Variants in BCAS3 observed in about 807,000 individuals in gnomAD.
The protein encoded by BCAS3 is BCAS4/BCAS3 fusion.
Under a neutral mutation model 116.1 loss-of-function variants are expected in BCAS3, and 53 were observed. The observed-to-expected ratio is 0.46, with a 90% confidence interval of 0.37 to 0.57. The LOEUF (loss-of-function observed/expected upper bound fraction) is 0.57, where lower values mean the gene tolerates loss of function less well. Ranked by LOEUF, BCAS3 falls within the 20% of genes least tolerant of loss-of-function variation. BCAS3 has a pLI of 0.00. For synonymous variants in BCAS3, 391 were observed against 408.2 expected (o/e 0.96, Z 0.51); for missense variants, 917 against 1,165.4 (o/e 0.79, Z 3.10).
At chr17:60,753,578 T>G (rs1449938605) in intron 6 of BCAS3, among the ~76,000 whole-genome samples, 1 of 137,358 alleles carries the variant, frequency 7.3e-6, no homozygotes, top group Non-Finnish European at 1.6e-5. Context: ...CCCATCTAAT[T>G]TTTTGTATTT....
rs1394271425 is a variant in BCAS3 at position 61,088,744 on chromosome 17, A to T, written c.2425+4180A>T. Among the ~76,000 whole-genome samples, 2 of 152,238 alleles carry T rather than the reference A, an allele frequency of 1.3e-5. No individual in the cohort carries two copies. The highest frequency in any genetic ancestry group is 3.8e-4 in the East Asian group (2 of 5,202). On this transcript the variant is annotated intron_variant, in intron 22 of 23. Transcript: ENST00000407086. The surrounding 1 kb of genome is among the most constrained non-coding windows in gnomAD (Gnocchi z 4.2). ...GTCCTGATTTGTGGTTTTACTATGGAGATGGATGTTTACTAACAAAGAACT... is the reference window on the plus strand; with the variant it reads ...GTCCTGATTTGTGGTTTTACTATGGTGATGGATGTTTACTAACAAAGAACT...
intron 22 of BCAS3, among the ~76,000 whole-genome samples, chr17:61,190,526 CAAAAAAA>C (rs71148387): frequency 1.1e-4 from 5 of 43,894 alleles, no homozygotes; most frequent in Non-Finnish European, 1.4e-4. Context: ...GACTCCATCT[CAAAAAAA>C]AAAAAAAAAA....
rs1008702080 is a variant in BCAS3 at position 61,097,420 on chromosome 17, C to G, written c.2425+12856C>G. Among the ~76,000 whole-genome samples the G allele has an allele frequency of 6.6e-6, 1 of 152,102 alleles. No homozygotes were observed. Among genetic ancestry groups the G allele is most frequent in the Non-Finnish European group, 1.5e-5 (1 of 68,026 alleles). ...GTCTCGATCTCCTGACCTTGTGATCCGCCTGCCTCGGCCTCCCAAAGTGCT... is the reference window on the plus strand; with the variant it reads ...GTCTCGATCTCCTGACCTTGTGATCGGCCTGCCTCGGCCTCCCAAAGTGCT... On this transcript the variant is annotated intron_variant, in intron 22 of 23. Coordinates refer to ENST00000407086, the MANE Select transcript of BCAS3 (RefSeq NM_017679.5). This position sits in a 1 kb window ranked among gnomAD's most constrained non-coding sequence, Gnocchi z 4.0.
Position 61,391,941 on chromosome 17 carries a change from C to G in BCAS3, c.2594-36C>G, listed in dbSNP as rs114720936. 1.9e-3 allele frequency: 3,041 copies of G among 1,605,748 alleles called. 48 individuals carry two copies. The African/African-American group carries it at 0.036, about 19-fold the overall frequency. ...TGGTGCCCCCACTCCCCAGACCCAA[C>G]TCTAACCAGGCCTGGCCCTCTCCTG... On this transcript the variant is annotated intron_variant, in intron 23 of 23. Transcript: ENST00000407086. The surrounding 1 kb of genome is among the most constrained non-coding windows in gnomAD (Gnocchi z 7.7).
Position 61,177,437 on chromosome 17 carries a change from G to A in BCAS3, c.2425+92873G>A, listed in dbSNP as rs931752378. ...GGTGGATCTCAAATAAGCAAAAGGA[G>A]CCAGAACAAATGAATACATACTGTA... On this transcript the variant is annotated intron_variant, in intron 22 of 23. Coordinates refer to ENST00000407086, the MANE Select transcript of BCAS3 (RefSeq NM_017679.5). Among the ~76,000 whole-genome samples the A allele has an allele frequency of 1.1e-4, 17 of 152,104 alleles. No homozygotes were observed. The East Asian group carries it at 2.5e-3, about 22-fold the overall frequency.
In BCAS3 at chr17:61,159,141, C is replaced by G. The variant is rs555915046; in HGVS notation, c.2425+74577C>G. 5.3e-5 allele frequency among the ~76,000 whole-genome samples: 8 copies of G among 152,218 alleles called. No individual in the cohort carries two copies. In the South Asian group the frequency reaches 1.7e-3, roughly 32 times the overall value. On this transcript the variant is annotated intron_variant, in intron 22 of 23. Coordinates refer to ENST00000407086, the MANE Select transcript of BCAS3 (RefSeq NM_017679.5). ...TTTTTCCTTTTTGCCTTTGATTACT[C>G]CATAAGAATTACACACAGAAGCAGA...
chr17:61,133,296 A>C (rs1540345), intron 22 of BCAS3, among the ~76,000 whole-genome samples: 1 of 152,178 alleles, frequency 6.6e-6, no homozygotes, highest in African/African-American at 2.4e-5. Flanking sequence ...ACTTTCACAC[A>C]TACTTTGTTT....
intron 14 of BCAS3, among the ~76,000 whole-genome samples, chr17:60,950,758 T>C (rs2060788488): frequency 6.6e-6 from 1 of 152,234 alleles, no homozygotes; most frequent in Non-Finnish European, 1.5e-5. Context: ...ATTGTTGAAG[T>C]TGAATGATGT....
Position 61,034,548 on chromosome 17 carries a change from T to C in BCAS3, c.1638-118T>C. 1.1e-6 allele frequency: 1 copy of C among 879,664 alleles called. No individual in the cohort carries two copies. The highest frequency in any genetic ancestry group is 1.7e-6 in the Non-Finnish European group (1 of 597,688). The allele number at this position is 879,664 out of a possible 1,614,324, so 54.5% of individuals were successfully genotyped here. A position where few individuals can be genotyped will look rare whatever the true frequency, so the allele number is the denominator to read the frequency against. ...TCACCATTTATTACTTAAGGCAAAA[T>C]GCATGTTCATACTGGAGGATTTGAA... On this transcript the variant is annotated intron_variant, in intron 16 of 23. Coordinates refer to ENST00000407086, the MANE Select transcript of BCAS3 (RefSeq NM_017679.5). This position sits in a 1 kb window ranked among gnomAD's most constrained non-coding sequence, Gnocchi z 5.0.
Position 60,756,939 on chromosome 17 carries a change from C to A in BCAS3, c.403+9660C>A, listed in dbSNP as rs554302810. 2.0e-5 allele frequency among the ~76,000 whole-genome samples: 3 copies of A among 152,180 alleles called. No homozygotes were observed. The East Asian group carries it at 5.8e-4, about 29-fold the overall frequency. ...CGGTGGCTCATGTCTGTAATCCCAG[C>A]GGATCACGAGGTCAAGAGATCAAGA... On this transcript the variant is annotated intron_variant, in intron 6 of 23. Coordinates refer to ENST00000407086, the MANE Select transcript of BCAS3 (RefSeq NM_017679.5).
chr17:61,056,043 C>A lies in BCAS3; in HGVS notation c.2029+15151C>A, dbSNP rs2069346851. Among the ~76,000 whole-genome samples the A allele has an allele frequency of 6.6e-6, 1 of 152,158 alleles. No individual in the cohort carries two copies. The highest frequency in any genetic ancestry group is 1.5e-5 in the Non-Finnish European group (1 of 68,028). On this transcript the variant is annotated intron_variant, in intron 19 of 23. Coordinates refer to ENST00000407086, the MANE Select transcript of BCAS3 (RefSeq NM_017679.5). This position sits in a 1 kb window ranked among gnomAD's most constrained non-coding sequence, Gnocchi z 4.9. ...CTGTTCTGCCCAAACTGGTAGTAAC[C>A]AGGCTGGAAAAGGATTTGACCCTTC... is the stretch of plus-strand genomic sequence containing the variant.
At chr17:60,970,344 A>G (rs1600101402) in intron 14 of BCAS3, among the ~76,000 whole-genome samples, 1 of 152,144 alleles carries the variant, frequency 6.6e-6, no homozygotes, top group East Asian at 1.9e-4. Context: ...CACAAGAAAA[A>G]GAGGGATAAA....
intron 6 of BCAS3, among the ~76,000 whole-genome samples, chr17:60,779,554 A>C (rs1437510817): frequency 6.6e-6 from 1 of 152,070 alleles, no homozygotes; most frequent in African/African-American, 2.4e-5. Context: ...TTTTTAGTAG[A>C]GACAGGGCTT....
chr17:61,292,628 G>A (rs2039972155), intron 22 of BCAS3, among the ~76,000 whole-genome samples: 1 of 152,132 alleles, frequency 6.6e-6, no homozygotes, highest in Non-Finnish European at 1.5e-5. Flanking sequence ...TCCAGCCTGG[G>A]TGACAGAGCG....
chr17:60,991,750 T>TA (rs1466251308), intron 15 of BCAS3, among the ~76,000 whole-genome samples: 3 of 152,190 alleles, frequency 2.0e-5, no homozygotes, highest in African/African-American at 7.2e-5. Context: ...GGAAACCACA[T>TA]ATTCTTTAAG....
chr17:61,318,615 A>C (rs1383509512), intron 22 of BCAS3, among the ~76,000 whole-genome samples: 1 of 151,892 alleles, frequency 6.6e-6, no homozygotes, highest in Non-Finnish European at 1.5e-5. Flanking sequence ...GTTTCTCCCC[A>C]CCCTGCAGTG....
chr17:61,380,539 C>T lies in BCAS3; in HGVS notation c.2594-11438C>T. ...CTTGACGTAGCAGTAAAAACCTTCC[C>T]CCCTGAGAGACACGTGGCAGTGAAG... On this transcript the variant is annotated intron_variant, in intron 23 of 23. Coordinates refer to ENST00000407086, the MANE Select transcript of BCAS3 (RefSeq NM_017679.5). The surrounding 1 kb of genome is among the most constrained non-coding windows in gnomAD (Gnocchi z 4.2). 1 of 1,598,268 alleles carries T rather than the reference C, an allele frequency of 6.3e-7. No individual in the cohort carries two copies. The highest frequency in any genetic ancestry group is 1.7e-4 in the Middle Eastern group (1 of 6,060).
In BCAS3 at chr17:61,265,502, A is replaced by G. The variant is rs548688000; in HGVS notation, c.2426-102825A>G. On this transcript the variant is annotated intron_variant, in intron 22 of 23. Transcript: ENST00000407086. This position sits in a 1 kb window ranked among gnomAD's most constrained non-coding sequence, Gnocchi z 4.3. ...TCTTATACAAGGAAGAAAAAAGACG[A>G]ATCAACATCTCCCTTGGAAAATACT... Among the ~76,000 whole-genome samples the G allele has an allele frequency of 1.3e-5, 2 of 152,238 alleles. No individual in the cohort carries two copies. The highest frequency in any genetic ancestry group is 4.2e-4 in the South Asian group (2 of 4,818).
chr17:60,826,863 T>C (rs2050477864), intron 7 of BCAS3, among the ~76,000 whole-genome samples: 1 of 152,238 alleles, frequency 6.6e-6, no homozygotes, highest in Admixed American at 6.5e-5. Context: ...AATACTGGCA[T>C]AATGATAACG....
Sources: allele counts gnomAD v4.1 joint callset (sites outside exome capture counted in the v4.1 genomes callset), GRCh38; gene constraint gnomAD v4.1.1; non-coding constraint Gnocchi (gnomAD v3.1); transcripts MANE v1.5; gene names NCBI Gene and HGNC (gene_info 2026-07-23, HGNC 2026-07-21).